The following ADGRV1 variants were observed in gnomAD, a reference collection of about 807,000 sequenced individuals.
The protein encoded by ADGRV1 is adhesion G protein-coupled receptor V1, also known as G-protein coupled receptor 98.
A neutral mutation model predicts 596.2 loss-of-function variants in ADGRV1; 359 were observed. The ratio of observed to expected loss-of-function variants is 0.60; its 90% CI spans 0.55 to 0.66. ADGRV1 has a LOEUF of 0.66. Ranked by LOEUF, ADGRV1 falls within the 30% of genes least tolerant of loss-of-function variation. The pLI is 0.00. For synonymous variants in ADGRV1, 2,681 were observed against 2,679.2 expected (o/e 1.00, Z -0.02); for missense variants, 7,274 against 7,575.6 (o/e 0.96, Z 1.48).
intron 84 of ADGRV1, 23 bp from the exon 85 acceptor site, chr5:90,985,321 T>C: frequency 6.4e-7 from 1 of 1,562,640 alleles, no homozygotes; most frequent in Non-Finnish European, 8.7e-7. Flanking sequence ...AGCCTGTTCA[T>C]TTTATGTTGT....
At chr5:91,092,907 G>C (rs2126590202) in intron 86 of ADGRV1, among the ~76,000 whole-genome samples, 1 of 152,298 alleles carries the variant, frequency 6.6e-6, no homozygotes, top group South Asian at 2.1e-4. Flanking sequence ...AGTGCTTATT[G>C]AACATGTGCC....
At chr5:91,053,664 A>G (rs981169062) in intron 85 of ADGRV1, among the ~76,000 whole-genome samples, 1 of 152,216 alleles carries the variant, frequency 6.6e-6, no homozygotes, top group African/African-American at 2.4e-5. Context: ...TTCTAATCTC[A>G]TCTCGTTCTT....
Position 90,759,525 on chromosome 5 carries a change from G to C in ADGRV1, c.12057G>C (p.Val4019=), listed in dbSNP as rs1226998989. The C allele has an allele frequency of 1.2e-6, 2 of 1,613,196 alleles. No individual in the cohort carries two copies. Among genetic ancestry groups the C allele is most frequent in the Admixed American group, 3.3e-5 (2 of 60,002 alleles). The part of the protein sequence containing the change: ...AGGGRLGDDV[V]VTVVIPQNDS... ...GTGGCAGACTTGGTGATGATGTTGT[G>C]GTAACTGTTGTTATTCCACAAAATG... The change falls in exon 58 of 90, where the codon GTG becomes GTC. Residue 4019 remains valine (V), a synonymous_variant. Transcript: ENST00000405460.
intron 87 of ADGRV1, among the ~76,000 whole-genome samples, chr5:91,130,604 A>G (rs1470055107): frequency 6.6e-6 from 1 of 151,944 alleles, no homozygotes; most frequent in African/African-American, 2.4e-5. Flanking sequence ...TGGTTACTGA[A>G]AAGGAATCTG....
Position 90,965,484 on chromosome 5 carries a change from G to A in ADGRV1, c.17926G>A (p.Val5976Ile), listed in dbSNP as rs753152665. 3.7e-6 allele frequency: 6 copies of A among 1,613,660 alleles called. No homozygotes were observed. Among genetic ancestry groups the A allele is most frequent in the African/African-American group, 2.7e-5 (2 of 74,940 alleles). Residue 5976 changes from valine to isoleucine, a missense_variant, in exon 84 of 90, where the codon GTC (valine) becomes ATC (isoleucine). Coordinates refer to ENST00000405460, the MANE Select transcript of ADGRV1 (RefSeq NM_032119.4). ...AEESCSAMAA[V>I]THYLYLCQFS... ...GGAGAGCTGTTCAGCTATGGCTGCT[G>A]TCACACATTACCTGTATCTTTGCCA...
intron 85 of ADGRV1, among the ~76,000 whole-genome samples, chr5:90,995,047 A>C (rs1440667977): frequency 1.3e-5 from 2 of 152,224 alleles, no homozygotes; most frequent in African/African-American, 4.8e-5. Flanking sequence ...AGCCTCAAGC[A>C]TGCACATGGC....
intron 22 of ADGRV1, 128 bp downstream of exon 22, chr5:90,672,850 A>T: frequency 1.5e-6 from 1 of 659,482 alleles, no homozygotes; most frequent in South Asian, 2.6e-5. Flanking sequence ...ACTGTAACTG[A>T]TACATTAGAA....
chr5:90,880,722 A>G (rs758126088), intron 83 of ADGRV1, among the ~76,000 whole-genome samples: 7 of 152,230 alleles, frequency 4.6e-5, no homozygotes, highest in Non-Finnish European at 8.8e-5. Flanking sequence ...ACATTGTGGA[A>G]TTATTATACT....
chr5:90,668,506 T>C (rs938425034), intron 21 of ADGRV1, among the ~76,000 whole-genome samples: 3 of 152,092 alleles, frequency 2.0e-5, no homozygotes, highest in African/African-American at 7.2e-5. Flanking sequence ...CTGCGCCCAC[T>C]GTCTGGCACT....
chr5:91,124,859 C>T (rs1254375173), intron 87 of ADGRV1, among the ~76,000 whole-genome samples: 1 of 152,100 alleles, frequency 6.6e-6, no homozygotes, highest in Non-Finnish European at 1.5e-5. Context: ...ATGATTTTTT[C>T]TAATTAATTT....
chr5:90,918,809 T>TC (rs1292729223), intron 83 of ADGRV1, among the ~76,000 whole-genome samples: 1 of 152,166 alleles, frequency 6.6e-6, no homozygotes, highest in Non-Finnish European at 1.5e-5. Context: ...AACCAAGGCC[T>TC]CCCTCTCTTT....
intron 83 of ADGRV1, among the ~76,000 whole-genome samples, chr5:90,877,764 A>G (rs565718720): frequency 2.0e-5 from 3 of 151,966 alleles, no homozygotes; most frequent in Admixed American, 6.5e-5. Context: ...TTCAAACACA[A>G]TTTACTGCTA....
At chr5:90,829,272 C>T (rs1274005243) in intron 77 of ADGRV1, 86 bp downstream of exon 77, 3 of 1,088,508 alleles carry the variant, frequency 2.8e-6, no homozygotes, top group Non-Finnish European at 3.7e-6. Context: ...ATAATTGATA[C>T]ATTATTTTCT....
chr5:90,949,118 C>A (rs188407633), intron 83 of ADGRV1, among the ~76,000 whole-genome samples: 1 of 151,972 alleles, frequency 6.6e-6, no homozygotes, highest in Non-Finnish European at 1.5e-5. Context: ...TAAGAGAAAC[C>A]GGGCAGGAAA....
intron 52 of ADGRV1, among the ~76,000 whole-genome samples, chr5:90,748,957 A>G (rs1754952948): frequency 6.6e-6 from 1 of 152,112 alleles, no homozygotes; most frequent in Non-Finnish European, 1.5e-5. Flanking sequence ...TGGGAGAGGC[A>G]GAACACTTAC....
intron 1 of ADGRV1, among the ~76,000 whole-genome samples, chr5:90,603,971 C>G (rs1761762276): frequency 6.7e-6 from 1 of 149,316 alleles, no homozygotes; most frequent in African/African-American, 2.5e-5. Flanking sequence ...CTCTGAATGA[C>G]ATGGAGATAA....
chr5:90,791,458 CA>C, intron 70 of ADGRV1, 112 bp downstream of exon 70: 11 of 751,124 alleles, frequency 1.5e-5, no homozygotes, highest in South Asian at 4.0e-5. Flanking sequence ...AATGGAACCA[CA>C]AAAAAATGCC....
intron 85 of ADGRV1, among the ~76,000 whole-genome samples, chr5:91,059,227 ATTGTTTTCCC>A (rs1381481966): frequency 1.3e-5 from 2 of 152,154 alleles, no homozygotes; most frequent in African/African-American, 4.8e-5. Context: ...GGTAGATGCC[ATTGTTTTCCC>A]TATTTTATTT....
chr5:91,125,682 C>T (rs1793685756), intron 87 of ADGRV1, among the ~76,000 whole-genome samples: 1 of 152,060 alleles, frequency 6.6e-6, no homozygotes, highest in Non-Finnish European at 1.5e-5. Flanking sequence ...TTATTTTTTT[C>T]AAAGGAATAA....
Sources: gnomAD v4.1 joint callset for allele counts (sites outside exome capture counted in the v4.1 genomes callset) on GRCh38, gnomAD v4.1.1 for gene constraint, MANE v1.5 for transcripts, NCBI Gene and HGNC (gene_info 2026-07-23, HGNC 2026-07-21) for gene names.